TFAP2E: variants seen among roughly 807,000 people sequenced by gnomAD.
TFAP2E encodes the protein transcription factor AP-2-epsilon.
Under a neutral mutation model 37.9 loss-of-function variants are expected in TFAP2E, and 30 were observed. That is an observed-to-expected ratio of 0.79 (90% CI 0.59 to 1.07). The LOEUF (loss-of-function observed/expected upper bound fraction) is 1.07. TFAP2E is among the 50% of genes least tolerant of loss of function. TFAP2E has a pLI of 0.00. For synonymous variants in TFAP2E, 318 were observed against 295.8 expected, an observed-to-expected ratio of 1.08 and a Z score of -0.77; for missense variants, 567 against 637.9, an observed-to-expected ratio of 0.89 and a Z score of 1.20.
chr1:35,582,598 C>G (rs1649380366), intron 3 of TFAP2E, among the ~76,000 whole-genome samples: 2 of 149,956 alleles, frequency 1.3e-5, no homozygotes, highest in Admixed American at 1.3e-4. Flanking sequence ...CTGTCTTGGC[C>G]TCCCTAAGTG....
intron 3 of TFAP2E, among the ~76,000 whole-genome samples, chr1:35,586,651 T>C (rs1377297957): frequency 6.6e-6 from 1 of 151,896 alleles, no homozygotes; most frequent in African/African-American, 2.4e-5. Flanking sequence ...CTGTAGGATC[T>C]AGTGATGGAT....
intron 3 of TFAP2E, among the ~76,000 whole-genome samples, chr1:35,578,560 T>C (rs1649250569): frequency 6.6e-6 from 1 of 152,144 alleles, no homozygotes; most frequent in South Asian, 2.1e-4. Flanking sequence ...GGTTGCCTAC[T>C]TGGGGGTGGG....
chr1:35,594,258 T>G, intron 6 of TFAP2E, 136 bp from the exon 7 acceptor site: 1 of 1,107,586 alleles, frequency 9.0e-7, no homozygotes, highest in Admixed American at 2.8e-5. Flanking sequence ...TAAAAAACAG[T>G]ATGGTCATCA....
At chr1:35,574,634 G>T in intron 2 of TFAP2E, 2 of 762,818 alleles carry the variant, frequency 2.6e-6, no homozygotes, top group Non-Finnish European at 4.1e-6. Flanking sequence ...AGCAACCCTC[G>T]GCAGGGACCG....
At chr1:35,587,053 T>C (rs1649501981) in intron 3 of TFAP2E, among the ~76,000 whole-genome samples, 1 of 152,158 alleles carries the variant, frequency 6.6e-6, no homozygotes, top group South Asian at 2.1e-4. Flanking sequence ...GTGTAGCCCC[T>C]TGTGGGTTGT....
chr1:35,586,680 G>A (rs1649489175), intron 3 of TFAP2E, among the ~76,000 whole-genome samples: 1 of 152,046 alleles, frequency 6.6e-6, no homozygotes, highest in East Asian at 1.9e-4. Context: ...GTGATGGATG[G>A]GGTGTGGTGA....
chr1:35,578,452 C>T (rs927585629), intron 3 of TFAP2E, among the ~76,000 whole-genome samples: 5 of 151,196 alleles, frequency 3.3e-5, no homozygotes, highest in African/African-American at 1.2e-4. Context: ...AAGTTACAAA[C>T]CGTGTGTGGG....
In TFAP2E at chr1:35,573,946, G is replaced by A. The variant is rs200729597; in HGVS notation, c.47G>A (p.Gly16Glu). ...CCCCAGGAGCGCCCCGACGGGCTGGGAGCAGCTGCCGGCGGGGCCCGCCTG... is the reference window on the plus strand; with the variant it reads ...CCCCAGGAGCGCCCCGACGGGCTGGAAGCAGCTGCCGGCGGGGCCCGCCTG... ...YSAMERPDGLGAAAGGARLSS... is the reference protein window; with the variant it reads ...YSAMERPDGLEAAAGGARLSS... Residue 16 changes from glycine (G) to glutamate (E), a missense_variant, in exon 2 of 7, where the codon GGA (glycine) becomes GAA (glutamate). Physicochemically the swap from Gly to Glu is moderately conservative, Grantham distance 98. Around this residue, in one of 3 missense-constraint regions of TFAP2E, gnomAD observed 312 missense variants for 317.4 expected, o/e 0.98. Transcript: ENST00000373235. The surrounding 1 kb of genome is among the most constrained non-coding windows in gnomAD (Gnocchi z 5.9). 2.1e-4 allele frequency: 312 copies of A among 1,454,274 alleles called. No individual in the cohort carries two copies. The Admixed American group carries it at 5.0e-3, about 23-fold the overall frequency. The allele number at this position is 1,454,274 out of a possible 1,614,324, so 90.1% of individuals were successfully genotyped here.
rs1254754374 is a variant in TFAP2E, at chr1:35,594,967, C to T, written c.*291C>T. On this transcript the variant is annotated 3_prime_UTR_variant, in exon 7 of 7. Transcript: ENST00000373235. ...AAAATTGACATGAAAAGATCTGGCT[C>T]ATGGGGCAGAGCCCTTTCCATTAGC... 4.4e-6 allele frequency: 2 copies of T among 457,628 alleles called. No individual in the cohort carries two copies. Among genetic ancestry groups the T allele is most frequent in the Middle Eastern group, 6.0e-4 (1 of 1,658 alleles). The allele number at this position is 457,628 out of a possible 1,614,324, so 28.3% of individuals were successfully genotyped here. A position where few individuals can be genotyped will look rare whatever the true frequency, so the allele number is the denominator to read the frequency against.
Position 35,574,073 on chromosome 1 carries a change from C to A in TFAP2E, c.174C>A (p.Pro58=). Residue 58 remains proline (P), a synonymous_variant, in exon 2 of 7, where the codon CCC becomes CCA. Coordinates refer to ENST00000373235, the MANE Select transcript of TFAP2E (RefSeq NM_178548.4). ...AEFQPPYFPP[P]YPQPPLPYGQ... The stretch of plus-strand genomic sequence containing the variant: ...TCCAGCCGCCCTACTTCCCGCCGCC[C>A]TACCCGCAGCCACCGCTGCCCTACG... 6.8e-7 allele frequency: 1 copy of A among 1,480,052 alleles called. No individual in the cohort carries two copies. Among genetic ancestry groups the A allele is most frequent in the Admixed American group, 2.2e-5 (1 of 46,052 alleles). 91.7% of individuals were successfully genotyped at this position (1,480,052 alleles called of 1,614,324 possible).
At chr1:35,583,690 G>A (rs959166943) in intron 3 of TFAP2E, among the ~76,000 whole-genome samples, 12 of 151,448 alleles carry the variant, frequency 7.9e-5, no homozygotes, top group Non-Finnish European at 1.3e-4. Flanking sequence ...GATCACTTCA[G>A]CTTCAGGAGT....
rs1401543243 is a variant in TFAP2E at position 35,574,244 on chromosome 1, C to A, written c.345C>A (p.Gly115=). The change falls in exon 2 of 7, where the codon GGC becomes GGA. Residue 115 remains glycine (G), a synonymous_variant. Transcript: ENST00000373235. ...CCCGCGCCCACGAGGAGCCTCCCGG[C>A]CTGCTGGCACCGCCCGCCCGCGCCC... ...AAARAHEEPP[G]LLAPPARALG... 10 of 1,295,466 alleles carry A rather than the reference C, an allele frequency of 7.7e-6. No homozygotes were observed. In the South Asian group the frequency reaches 1.3e-4, roughly 17 times the overall value. The allele number at this position is 1,295,466 out of a possible 1,614,324, so 80.2% of individuals were successfully genotyped here. A position where few individuals can be genotyped will look rare whatever the true frequency, so the allele number is the denominator to read the frequency against.
intron 3 of TFAP2E, among the ~76,000 whole-genome samples, chr1:35,581,190 G>T (rs1223058553): frequency 6.6e-6 from 1 of 152,164 alleles, no homozygotes; most frequent in Admixed American, 6.5e-5. Context: ...ATTATGCTAA[G>T]TAAAAGAAAC....
chr1:35,576,935 CCCCAGCGCCAGCGGGACCCCAGCG>C (rs1649192514), intron 3 of TFAP2E, among the ~76,000 whole-genome samples: 2 of 77,258 alleles, frequency 2.6e-5, no homozygotes, highest in Non-Finnish European at 5.5e-5. Context: ...AACCGCGGGA[CCCCAGCGCCAGCGGGACCCCAGCG>C]CCAGCGGGAC....
chr1:35,574,490 G>A, intron 2 of TFAP2E, 81 bp downstream of exon 2: 1 of 1,339,424 alleles, frequency 7.5e-7, no homozygotes, highest in Non-Finnish European at 9.6e-7. Flanking sequence ...GGTGACAAAT[G>A]CAGGAAGCCG....
chr1:35,576,036 T>C (rs1428035868), intron 3 of TFAP2E, among the ~76,000 whole-genome samples: 1 of 152,180 alleles, frequency 6.6e-6, no homozygotes, highest in African/African-American at 2.4e-5. Context: ...CCCGAAAGAA[T>C]TCAGAGGTGC....
chr1:35,574,545 G>A lies in TFAP2E; in HGVS notation c.510+136G>A, dbSNP rs1649113398. ...ACATCTCACTGGTGACTCCGAGGAT[G>A]TGTCCCACCTCCTGGGTTAGACGTT... On this transcript the variant is annotated intron_variant, in intron 2 of 6. Transcript: ENST00000373235. 23 of 1,330,308 alleles carry A rather than the reference G, an allele frequency of 1.7e-5. No individual in the cohort carries two copies. In the South Asian group the frequency reaches 3.7e-4, roughly 21 times the overall value. The allele number at this position is 1,330,308 out of a possible 1,614,324, so 82.4% of individuals were successfully genotyped here.
intron 3 of TFAP2E, among the ~76,000 whole-genome samples, chr1:35,587,716 G>A (rs555259261): frequency 1.5e-4 from 23 of 151,750 alleles, no homozygotes; most frequent in Non-Finnish European, 2.9e-4. Context: ...ACAATTAGTA[G>A]ATAATTAGGG....
At chr1:35,586,542 C>A (rs1649485796) in intron 3 of TFAP2E, among the ~76,000 whole-genome samples, 1 of 152,066 alleles carries the variant, frequency 6.6e-6, no homozygotes, top group Admixed American at 6.6e-5. Context: ...GGGAAGGGAA[C>A]CTGTGTCTGT....
Sources: gnomAD v4.1 joint callset for allele counts (sites outside exome capture counted in the v4.1 genomes callset) on GRCh38, gnomAD v4.1.1 for gene constraint, gnomAD v4.1.1 regional missense constraint, Gnocchi (gnomAD v3.1) non-coding constraint, MANE v1.5 for transcripts, NCBI Gene and HGNC (gene_info 2026-07-23, HGNC 2026-07-21) for gene names.